Variants in IL1RAPL2 observed in about 807,000 individuals in gnomAD.
IL1RAPL2 encodes X-linked interleukin-1 receptor accessory protein-like 2.
In IL1RAPL2, 3 loss-of-function variants were observed where a neutral mutation model predicts 44.1. That is an observed-to-expected ratio of 0.07 (90% CI 0.03 to 0.18). The LOEUF (loss-of-function observed/expected upper bound fraction) is 0.18, where lower values mean the gene tolerates loss of function less well. Among genes scored for constraint, IL1RAPL2 ranks in the 10% least tolerant of loss-of-function variants. The probability of loss-of-function intolerance (pLI) is 1.00; values close to 1 mark genes in which losing one functional copy is unlikely to be tolerated. For missense variants in IL1RAPL2, 391 were observed against 496.4 expected (o/e 0.79, Z 2.02); for synonymous variants, 181 against 178.8 (o/e 1.01, Z -0.10).
chrX:104,885,612 G>C (rs1403702500), intron 2 of IL1RAPL2, among the ~76,000 whole-genome samples: 1 of 111,517 alleles, frequency 9.0e-6, no homozygotes, highest in African/African-American at 3.3e-5. Flanking sequence ...ATTAAACCTG[G>C]CAACCTCGGT....
At position 104,885,638 on chromosome X, in the gene IL1RAPL2, C is replaced by T. The variant is rs772294706; in HGVS notation, c.82+226643C>T. 7.2e-5 allele frequency among the ~76,000 whole-genome samples: 8 copies of T among 111,521 alleles called. No individual in the cohort carries two copies. The East Asian group carries it at 2.0e-3, about 28-fold the overall frequency. ...CAACCTCGGTGTTCTATAATAGGGA[C>T]CAAGAGGAACAGGCCCAAAAGGAAA... On this transcript the variant is annotated intron_variant, in intron 2 of 10. Transcript: ENST00000372582.
At chrX:104,888,119 A>C (rs1019337531) in intron 2 of IL1RAPL2, among the ~76,000 whole-genome samples, 1 of 111,026 alleles carries the variant, frequency 9.0e-6, no homozygotes, top group Admixed American at 9.7e-5. Flanking sequence ...AGGAGGTGGC[A>C]GTCTTACACC....
At chrX:104,864,927 A>C (rs1411117818) in intron 2 of IL1RAPL2, among the ~76,000 whole-genome samples, 3 of 111,281 alleles carry the variant, frequency 2.7e-5, no homozygotes, top group Non-Finnish European at 5.6e-5. Flanking sequence ...GTAAGGGCTT[A>C]TGGAGGTCAG....
chrX:105,518,770 TG>T (rs1439607609), intron 6 of IL1RAPL2, among the ~76,000 whole-genome samples: 3 of 111,799 alleles, frequency 2.7e-5, no homozygotes, highest in Non-Finnish European at 5.6e-5. Context: ...TTCAAGTACT[TG>T]GTTACTAGTA....
At chrX:104,601,190 A>G (rs1928874813) in intron 1 of IL1RAPL2, among the ~76,000 whole-genome samples, 1 of 111,266 alleles carries the variant, frequency 9.0e-6, no homozygotes, top group South Asian at 3.8e-4. Flanking sequence ...CAGGTTTGTT[A>G]CATATGTATA....
intron 6 of IL1RAPL2, among the ~76,000 whole-genome samples, chrX:105,628,430 T>C (rs1275959092): frequency 9.0e-6 from 1 of 111,241 alleles, no homozygotes; most frequent in Admixed American, 9.6e-5. Context: ...TGTTAAAAGA[T>C]AATTTTACAA....
intron 2 of IL1RAPL2, among the ~76,000 whole-genome samples, chrX:104,789,961 C>G (rs1364750767): frequency 8.9e-6 from 1 of 111,741 alleles, no homozygotes; most frequent in Admixed American, 9.5e-5. Context: ...TTGTAATAAG[C>G]CCTAGTTGGT....
At chrX:105,424,001 G>T (rs780217049) in intron 5 of IL1RAPL2, among the ~76,000 whole-genome samples, 6 of 111,789 alleles carry the variant, frequency 5.4e-5, no homozygotes, top group Non-Finnish European at 1.1e-4. Flanking sequence ...CATAAAGTTA[G>T]TTCATACTTG....
intron 2 of IL1RAPL2, among the ~76,000 whole-genome samples, chrX:104,732,137 C>T (rs1931931751): frequency 9.0e-6 from 1 of 111,644 alleles, no homozygotes; most frequent in Non-Finnish European, 1.9e-5. Flanking sequence ...CATAGCAAAA[C>T]TTGTGGGATG....
intron 2 of IL1RAPL2, among the ~76,000 whole-genome samples, chrX:104,853,967 A>G (rs1212683758): frequency 9.1e-6 from 1 of 109,662 alleles, no homozygotes; most frequent in African/African-American, 3.3e-5. Flanking sequence ...TGAAAAAAGT[A>G]TAGAACCAGG....
At chrX:105,341,664 G>T (rs2035071125) in intron 5 of IL1RAPL2, among the ~76,000 whole-genome samples, 1 of 112,134 alleles carries the variant, frequency 8.9e-6, no homozygotes, top group Non-Finnish European at 1.9e-5. Flanking sequence ...AGGTGCAGTG[G>T]CTCATGCCTG....
chrX:105,173,700 G>A (rs1410445344), intron 2 of IL1RAPL2, among the ~76,000 whole-genome samples: 3 of 109,209 alleles, frequency 2.7e-5, no homozygotes, highest in Non-Finnish European at 5.7e-5. Context: ...ATGTTGAGGT[G>A]TTATACCTAG....
At chrX:105,643,835 T>C (rs1713726123) in intron 6 of IL1RAPL2, among the ~76,000 whole-genome samples, 1 of 112,299 alleles carries the variant, frequency 8.9e-6, no homozygotes, top group African/African-American at 3.2e-5. Context: ...CTGTCTCATA[T>C]TGACATTGTT....
chrX:105,533,351 T>C (rs914247929), intron 6 of IL1RAPL2, among the ~76,000 whole-genome samples: 1 of 111,861 alleles, frequency 8.9e-6, no homozygotes, highest in Non-Finnish European at 1.9e-5. Flanking sequence ...TATGTACCCT[T>C]TCCCCAGCCT....
At chrX:105,284,951 G>A (rs1164843241) in intron 5 of IL1RAPL2, among the ~76,000 whole-genome samples, 1 of 111,585 alleles carries the variant, frequency 9.0e-6, no homozygotes, top group Admixed American at 9.6e-5. Context: ...CATATACTTA[G>A]CCTATTTGGG....
intron 2 of IL1RAPL2, among the ~76,000 whole-genome samples, chrX:105,067,492 T>A (rs1429798796): frequency 9.0e-6 from 1 of 111,551 alleles, no homozygotes; most frequent in East Asian, 2.8e-4. Context: ...CAAGTACTAT[T>A]TGTCAGGCAC....
intron 1 of IL1RAPL2, among the ~76,000 whole-genome samples, chrX:104,650,153 G>C (rs1023899697): frequency 5.1e-4 from 57 of 111,131 alleles, no homozygotes; most frequent in African/African-American, 1.9e-3. Context: ...TCTCTCAGGG[G>C]AATATGAACT....
At chrX:104,963,973 G>A (rs1466010307) in intron 2 of IL1RAPL2, among the ~76,000 whole-genome samples, 1 of 108,917 alleles carries the variant, frequency 9.2e-6, no homozygotes, top group Non-Finnish European at 1.9e-5. Flanking sequence ...GATAGATTAT[G>A]CAATCAGATA....
At chrX:104,984,995 T>A (rs1032196840) in intron 2 of IL1RAPL2, among the ~76,000 whole-genome samples, 3 of 112,478 alleles carry the variant, frequency 2.7e-5, no homozygotes, top group East Asian at 2.8e-4. Context: ...TCTTCCTTTA[T>A]GTTTATAAAA....
Sources: gnomAD v4.1 joint callset for allele counts (sites outside exome capture counted in the v4.1 genomes callset) on GRCh38, gnomAD v4.1.1 for gene constraint, MANE v1.5 for transcripts, NCBI Gene and HGNC (gene_info 2026-07-23, HGNC 2026-07-21) for gene names.